The following PTPRD variants were observed in gnomAD, a reference collection of about 807,000 sequenced individuals.
PTPRD encodes the protein receptor-type tyrosine-protein phosphatase delta.
In PTPRD, 34 loss-of-function variants were observed where a neutral mutation model predicts 214.5. The observed-to-expected ratio is 0.16, with a 90% CI of 0.12 to 0.21. PTPRD has a LOEUF of 0.21. Among genes scored for constraint, PTPRD ranks in the 10% least tolerant of loss-of-function variants. The probability of loss-of-function intolerance (pLI) is 1.00; values close to 1 mark genes in which losing one functional copy is unlikely to be tolerated. For missense variants in PTPRD, 2,545 were observed against 2,398.7 expected (o/e 1.06, Z -1.27); for synonymous variants, 1,128 against 845.7 (o/e 1.33, Z -5.79).
At chr9:9,353,538 T>C (rs562156960) in intron 9 of PTPRD, among the ~76,000 whole-genome samples, 1 of 151,810 alleles carries the variant, frequency 6.6e-6, no homozygotes, top group South Asian at 2.1e-4. Flanking sequence ...AAAAATGCGG[T>C]CATTTAATTT....
At chr9:8,474,306 C>A (rs1276837308) in intron 30 of PTPRD, among the ~76,000 whole-genome samples, 6 of 152,084 alleles carry the variant, frequency 3.9e-5, no homozygotes, top group Non-Finnish European at 8.8e-5. Context: ...AGGGAAGATT[C>A]TTTTGCGGGG....
intron 10 of PTPRD, among the ~76,000 whole-genome samples, chr9:9,156,054 C>T (rs891718634): frequency 2.6e-5 from 4 of 152,068 alleles, no homozygotes. Context: ...CAGCCTTAGA[C>T]CTCTGTTTCA....
chr9:9,911,248 A>C (rs1272641176), intron 5 of PTPRD, among the ~76,000 whole-genome samples: 1 of 152,076 alleles, frequency 6.6e-6, no homozygotes, highest in Non-Finnish European at 1.5e-5. Flanking sequence ...AGGCTGGATA[A>C]AATATTGCTC....
At chr9:8,908,935 A>C (rs1042670298) in intron 11 of PTPRD, among the ~76,000 whole-genome samples, 3 of 150,370 alleles carry the variant, frequency 2.0e-5, no homozygotes, top group African/African-American at 4.8e-5. Flanking sequence ...ATAATTTGAC[A>C]TGAATATGAA....
intron 3 of PTPRD, among the ~76,000 whole-genome samples, chr9:10,091,114 T>C (rs1046783670): frequency 4.6e-5 from 7 of 151,394 alleles, no homozygotes; most frequent in East Asian, 1.9e-4. Flanking sequence ...AAAAAATTAA[T>C]GAGCAATTTT....
intron 7 of PTPRD, among the ~76,000 whole-genome samples, chr9:9,713,177 C>T (rs576040349): frequency 6.6e-6 from 1 of 152,212 alleles, no homozygotes; most frequent in East Asian, 1.9e-4. Context: ...CTTATTTCTG[C>T]CAGAAAACTT....
chr9:10,006,033 CAT>C (rs1431758221), intron 4 of PTPRD, among the ~76,000 whole-genome samples: 1 of 151,910 alleles, frequency 6.6e-6, no homozygotes, highest in African/African-American at 2.4e-5. Flanking sequence ...CACATATGTA[CAT>C]ATGCAAATAT....
intron 12 of PTPRD, among the ~76,000 whole-genome samples, chr9:8,688,302 G>C (rs185356628): frequency 2.6e-4 from 40 of 152,234 alleles, no homozygotes; most frequent in East Asian, 3.9e-4. Context: ...CGTGGTGGCT[G>C]ACGCCTGTAA....
chr9:9,608,909 T>TA (rs1338026457), intron 7 of PTPRD, among the ~76,000 whole-genome samples: 3 of 152,216 alleles, frequency 2.0e-5, no homozygotes, highest in Admixed American at 6.5e-5. Flanking sequence ...ATTTATTGTT[T>TA]ATTCTTTATT....
intron 5 of PTPRD, among the ~76,000 whole-genome samples, chr9:9,806,691 C>G (rs1020100664): frequency 6.6e-6 from 1 of 152,186 alleles, no homozygotes. Context: ...TAAGCCTGCT[C>G]AGGCGGTCTC....
intron 9 of PTPRD, among the ~76,000 whole-genome samples, chr9:9,325,486 C>G (rs573829021): frequency 1.4e-3 from 213 of 152,170 alleles, no homozygotes; most frequent in African/African-American, 4.9e-3. Flanking sequence ...TTATTTGGCT[C>G]TCTGTTTGTC....
intron 2 of PTPRD, among the ~76,000 whole-genome samples, chr9:10,511,967 CGTGT>C (rs765411213): frequency 9.1e-6 from 1 of 110,326 alleles, no homozygotes; most frequent in East Asian, 2.5e-4. Context: ...TATATATATA[CGTGT>C]GTGTGTATAT....
intron 2 of PTPRD, among the ~76,000 whole-genome samples, chr9:10,470,164 T>C (rs542620515): frequency 6.6e-6 from 1 of 152,162 alleles, no homozygotes; most frequent in Non-Finnish European, 1.5e-5. Context: ...AGGTAATGGA[T>C]GTGCTAAATA....
intron 7 of PTPRD, among the ~76,000 whole-genome samples, chr9:9,641,978 C>A (rs1004759407): frequency 6.6e-6 from 1 of 151,490 alleles, no homozygotes; most frequent in African/African-American, 2.4e-5. Flanking sequence ...ATGTTTATTG[C>A]GGCATTATTC....
chr9:8,580,347 C>T (rs2092939005), intron 14 of PTPRD, among the ~76,000 whole-genome samples: 1 of 152,162 alleles, frequency 6.6e-6, no homozygotes. Flanking sequence ...AACAAACAGC[C>T]TAATCACCTG....
rs72698984 is a variant in PTPRD, at chr9:10,415,031, T to C, written c.-599-74014A>G. Reference sequence around the variant, plus strand: ...GTGATGAAGTAATCTGTACAACAAATTTCTGCGACACGAGTTTACCTACAT... The same window carrying C: ...GTGATGAAGTAATCTGTACAACAAACTTCTGCGACACGAGTTTACCTACAT... On this transcript the variant is annotated intron_variant, in intron 2 of 45. Transcript: ENST00000381196. Among the ~76,000 whole-genome samples the C allele has an allele frequency of 4.6e-3, 697 of 151,792 alleles. 6 individuals are homozygous for C. The highest frequency in any genetic ancestry group is 8.1e-3 in the Non-Finnish European group (550 of 67,816).
rs543060736 is a variant in PTPRD at position 8,525,833 on chromosome 9, A to G, written c.568+794T>C. Among the ~76,000 whole-genome samples the G allele has an allele frequency of 6.6e-5, 10 of 152,294 alleles. No homozygotes were observed. In the East Asian group the frequency reaches 1.9e-3, roughly 30 times the overall value. ...GGTGTCACAAAACCCCAAGAAAAAT[A>G]CAAAACAAGAATTACAAAAGAAATG... On this transcript the variant is annotated intron_variant, in intron 17 of 45. Coordinates refer to ENST00000381196, the MANE Select transcript of PTPRD (RefSeq NM_002839.4).
At chr9:10,579,239 C>T (rs2070773092) in intron 2 of PTPRD, among the ~76,000 whole-genome samples, 1 of 152,160 alleles carries the variant, frequency 6.6e-6, no homozygotes, top group African/African-American at 2.4e-5. Context: ...TCAAACATCA[C>T]ATGTTCTCAT....
chr9:10,300,894 C>A (rs978802098), intron 3 of PTPRD, among the ~76,000 whole-genome samples: 1 of 152,098 alleles, frequency 6.6e-6, no homozygotes, highest in East Asian at 1.9e-4. Context: ...ATGGCTCTCC[C>A]AGCACAGTGT....
Sources: gnomAD v4.1 joint callset for allele counts (sites outside exome capture counted in the v4.1 genomes callset) on GRCh38, gnomAD v4.1.1 for gene constraint, MANE v1.5 for transcripts, NCBI Gene and HGNC (gene_info 2026-07-23, HGNC 2026-07-21) for gene names.